The following DLG2 variants were observed in gnomAD, a reference collection of about 807,000 sequenced individuals.
The protein encoded by DLG2 is discs large MAGUK scaffold protein 2.
DLG2 carries 45 observed loss-of-function variants against 132.5 expected under a neutral mutation model. The ratio of observed to expected loss-of-function variants is 0.34; its 90% CI spans 0.27 to 0.44. The LOEUF is 0.44. DLG2 is among the 20% of genes least tolerant of loss of function. DLG2 has a pLI of 1.00. For missense variants in DLG2, 1,045 were observed against 1,196.9 expected, an observed-to-expected ratio of 0.87 and a Z score of 1.87; for synonymous variants, 424 against 419.6, an observed-to-expected ratio of 1.01 and a Z score of -0.13.
At position 85,195,527 on chromosome 11, in the gene DLG2, T is replaced by G. The variant is rs567423254; in HGVS notation, c.187-40876A>C. ...ATTTTCTCTGAAAGTGACAGTGTTT[T>G]TTTTTTTTTTTTTTGAGACGGAGTC... On this transcript the variant is annotated intron_variant, in intron 4 of 27. Transcript: ENST00000376104. Among the ~76,000 whole-genome samples, 167 of 133,576 alleles carry G rather than the reference T, an allele frequency of 1.3e-3. 1 individual carries two copies. Among genetic ancestry groups the G allele is most frequent in the Middle Eastern group, 7.1e-3 (2 of 282 alleles). 87.6% of individuals were successfully genotyped at this position (133,576 alleles called of 152,430 possible). A position where few individuals can be genotyped will look rare whatever the true frequency, so the allele number is the denominator to read the frequency against.
At chr11:84,183,788 A>G (rs36170215) in intron 8 of DLG2, among the ~76,000 whole-genome samples, 9,818 of 151,892 alleles carry the variant, frequency 0.065, 388 homozygotes, top group African/African-American at 0.1. Context: ...ATGTGTTCTC[A>G]TTGTTCAATT....
intron 19 of DLG2, among the ~76,000 whole-genome samples, chr11:83,567,041 G>T (rs1389772728): frequency 6.6e-6 from 1 of 152,062 alleles, no homozygotes; most frequent in Non-Finnish European, 1.5e-5. Context: ...TTTTTGCACA[G>T]GAACGGTTAA....
At chr11:85,205,144 G>GTATATATATATA (rs1425550552) in intron 4 of DLG2, among the ~76,000 whole-genome samples, 1 of 142,858 alleles carries the variant, frequency 7.0e-6, no homozygotes, top group Admixed American at 7.2e-5. Flanking sequence ...ATATATGTGT[G>GTATATATATATA]TGTATATATA....
Position 84,287,452 on chromosome 11 carries a change from C to CT in DLG2, c.520-36162dup, listed in dbSNP as rs1162185973. On this transcript the variant is annotated intron_variant, in intron 7 of 27. Transcript: ENST00000376104. ...GACTTCTTAGGAATACTCTTCTTTT[C>CT]TTTTCAAACCATAGAATTTTCACAG... is the stretch of plus-strand genomic sequence containing the variant. Among the ~76,000 whole-genome samples the CT allele has an allele frequency of 5.9e-5, 9 of 152,090 alleles. No individual in the cohort carries two copies. In the East Asian group the frequency reaches 1.5e-3, roughly 26 times the overall value.
chr11:84,904,537 C>A (rs1263222248), intron 6 of DLG2, among the ~76,000 whole-genome samples: 1 of 152,152 alleles, frequency 6.6e-6, no homozygotes, highest in African/African-American at 2.4e-5. Flanking sequence ...CATTGCCGTT[C>A]GCTACTTCTT....
At chr11:84,372,338 C>A (rs1041173291) in intron 7 of DLG2, among the ~76,000 whole-genome samples, 3 of 152,060 alleles carry the variant, frequency 2.0e-5, no homozygotes, top group Non-Finnish European at 4.4e-5. Flanking sequence ...TTATACACAA[C>A]AAAGAAAGAC....
chr11:84,669,651 C>T (rs184203478), intron 6 of DLG2, among the ~76,000 whole-genome samples: 1 of 152,258 alleles, frequency 6.6e-6, no homozygotes, highest in East Asian at 1.9e-4. Context: ...CTACTAAACA[C>T]ACACTTTGAC....
At chr11:84,317,859 G>T (rs1399201150) in intron 7 of DLG2, among the ~76,000 whole-genome samples, 1 of 152,090 alleles carries the variant, frequency 6.6e-6, no homozygotes, top group Non-Finnish European at 1.5e-5. Flanking sequence ...TTAAAATTTG[G>T]AAGTTTGTTT....
chr11:83,664,368 G>A (rs1169309324), intron 18 of DLG2, among the ~76,000 whole-genome samples: 2 of 152,104 alleles, frequency 1.3e-5, no homozygotes, highest in Non-Finnish European at 2.9e-5. Flanking sequence ...ATGCCTTTGG[G>A]TGGAGGGGAG....
At position 83,706,110 on chromosome 11, in the gene DLG2, C is replaced by T. The variant is rs570001019; in HGVS notation, c.1826-72785G>A. ...GCGGGTGCCTGTAGTCCCAGCTACT[C>T]GGGAGGTTGAGGCAGGAGAATCGCT... On this transcript the variant is annotated intron_variant, in intron 18 of 27. Transcript: ENST00000376104. Among the ~76,000 whole-genome samples the T allele has an allele frequency of 1.0e-3, 155 of 151,388 alleles. 1 individual carries two copies. The highest frequency in any genetic ancestry group is 9.0e-3 in the South Asian group (43 of 4,782).
intron 6 of DLG2, among the ~76,000 whole-genome samples, chr11:85,028,616 A>G (rs1483643149): frequency 6.6e-6 from 1 of 152,178 alleles, no homozygotes; most frequent in African/African-American, 2.4e-5. Context: ...CCGTAAGTGC[A>G]TGCAGCTGGG....
At chr11:84,550,178 T>C (rs1052534628) in intron 6 of DLG2, among the ~76,000 whole-genome samples, 7 of 151,368 alleles carry the variant, frequency 4.6e-5, no homozygotes, top group African/African-American at 1.7e-4. Flanking sequence ...ATATGCTCAA[T>C]TCAGCCTTAT....
chr11:85,484,314 C>T (rs902955844), intron 3 of DLG2, among the ~76,000 whole-genome samples: 3 of 142,766 alleles, frequency 2.1e-5, no homozygotes, highest in African/African-American at 7.8e-5. Flanking sequence ...GTCTAAAACA[C>T]CAAAAGCAAT....
At chr11:85,319,729 A>G (rs1421406812) in intron 3 of DLG2, among the ~76,000 whole-genome samples, 1 of 151,878 alleles carries the variant, frequency 6.6e-6, no homozygotes, top group Non-Finnish European at 1.5e-5. Context: ...AGAATGTTCA[A>G]TGTGCATTAA....
At chr11:85,477,123 C>A (rs2093167052) in intron 3 of DLG2, among the ~76,000 whole-genome samples, 1 of 152,118 alleles carries the variant, frequency 6.6e-6, no homozygotes. Context: ...GGACCATAAT[C>A]ATACATGTAG....
chr11:85,347,125 T>C (rs2082902494), intron 3 of DLG2, among the ~76,000 whole-genome samples: 1 of 152,158 alleles, frequency 6.6e-6, no homozygotes, highest in Admixed American at 6.5e-5. Context: ...TATATATTCT[T>C]GTTCCACTTT....
chr11:84,426,833 G>C (rs2098968156), intron 7 of DLG2, among the ~76,000 whole-genome samples: 1 of 152,090 alleles, frequency 6.6e-6, no homozygotes, highest in Non-Finnish European at 1.5e-5. Context: ...TCACGAAACA[G>C]GGAATCCCTC....
chr11:84,727,338 T>G (rs2062604865), intron 6 of DLG2, among the ~76,000 whole-genome samples: 2 of 152,174 alleles, frequency 1.3e-5, no homozygotes, highest in African/African-American at 4.8e-5. Context: ...CCAATGCCAT[T>G]TATTAAATAG....
chr11:84,790,110 G>A (rs1004939064), intron 6 of DLG2, among the ~76,000 whole-genome samples: 24 of 152,228 alleles, frequency 1.6e-4, no homozygotes, highest in African/African-American at 5.3e-4. Flanking sequence ...CGAGCAGTAC[G>A]ATTGCTGGAT....
Sources: allele counts gnomAD v4.1 joint callset (sites outside exome capture counted in the v4.1 genomes callset), GRCh38; gene constraint gnomAD v4.1.1; transcripts MANE v1.5; gene names NCBI Gene and HGNC (gene_info 2026-07-23, HGNC 2026-07-21).